Variants in PRKG1 observed in about 807,000 individuals in gnomAD.
PRKG1 encodes the protein cGMP-dependent protein kinase 1.
A neutral mutation model predicts 88.1 loss-of-function variants in PRKG1; 35 were observed. The ratio of observed to expected loss-of-function variants is 0.40; its 90% confidence interval spans 0.30 to 0.53. The LOEUF is 0.53. PRKG1 is among the 20% of genes least tolerant of loss of function. The pLI, the probability that PRKG1 is intolerant of heterozygous loss-of-function variation, is 0.59. For missense variants in PRKG1, 540 were observed against 839.8 expected (o/e 0.64, Z 4.41); for synonymous variants, 303 against 292.5 (o/e 1.04, Z -0.37).
intron 3 of PRKG1, among the ~76,000 whole-genome samples, chr10:51,683,697 C>T (rs1204774191): frequency 6.6e-6 from 1 of 152,136 alleles, no homozygotes; most frequent in Non-Finnish European, 1.5e-5. Context: ...GGAACCTGGA[C>T]CCTGCCATGC....
At chr10:52,117,670 C>T (rs898698707) in intron 7 of PRKG1, among the ~76,000 whole-genome samples, 6 of 151,766 alleles carry the variant, frequency 4.0e-5, no homozygotes, top group South Asian at 2.1e-4. Flanking sequence ...ACATGTAATT[C>T]GAATATATAA....
intron 3 of PRKG1, among the ~76,000 whole-genome samples, chr10:51,759,566 G>A (rs942166492): frequency 3.3e-5 from 5 of 152,138 alleles, no homozygotes; most frequent in African/African-American, 9.7e-5. Context: ...GAGACACCAC[G>A]CCTGGCCTGA....
chr10:51,843,669 A>G (rs1186243962), intron 4 of PRKG1, among the ~76,000 whole-genome samples: 1 of 152,216 alleles, frequency 6.6e-6, no homozygotes, highest in East Asian at 1.9e-4. Context: ...CTGGCTTTCA[A>G]CAGGGAATTC....
chr10:51,848,632 TC>T (rs1840464600), intron 4 of PRKG1, among the ~76,000 whole-genome samples: 1 of 131,646 alleles, frequency 7.6e-6, no homozygotes, highest in African/African-American at 3.6e-5. Context: ...TGTGTCTGTA[TC>T]TGTGTGTGTG....
At chr10:51,196,110 G>A (rs1347860287) in intron 2 of PRKG1, among the ~76,000 whole-genome samples, 1 of 152,156 alleles carries the variant, frequency 6.6e-6, no homozygotes, top group Non-Finnish European at 1.5e-5. Context: ...AGGAGCAGGA[G>A]GGATAGTAGG....
chr10:51,698,081 TGAG>T (rs1376497609), intron 3 of PRKG1: 2 of 1,614,074 alleles, frequency 1.2e-6, no homozygotes, highest in East Asian at 2.2e-5. Flanking sequence ...TCTGGGTCCC[TGAG>T]GAGGGCCACC....
intron 2 of PRKG1, among the ~76,000 whole-genome samples, chr10:51,204,512 C>G (rs1409896499): frequency 6.6e-6 from 1 of 151,960 alleles, no homozygotes; most frequent in Admixed American, 6.6e-5. Context: ...TTTGTCAGGC[C>G]ATTTTTAACA....
At chr10:51,464,664 G>A (rs1443471901) in intron 2 of PRKG1, among the ~76,000 whole-genome samples, 1 of 151,836 alleles carries the variant, frequency 6.6e-6, no homozygotes, top group African/African-American at 2.4e-5. Flanking sequence ...GGCCGAGGCG[G>A]GCGGATCACG....
At chr10:51,280,192 T>C (rs1268551055) in intron 2 of PRKG1, among the ~76,000 whole-genome samples, 3 of 152,238 alleles carry the variant, frequency 2.0e-5, no homozygotes, top group African/African-American at 7.2e-5. Context: ...ATGTTGAATA[T>C]TGGCCCCCAC....
intron 2 of PRKG1, among the ~76,000 whole-genome samples, chr10:51,406,879 T>C (rs1244036564): frequency 1.3e-5 from 2 of 152,294 alleles, no homozygotes; most frequent in East Asian, 3.9e-4. Flanking sequence ...ACTCACACGA[T>C]CAGAAGGTCC....
chr10:51,649,668 A>G (rs890812390), intron 3 of PRKG1, among the ~76,000 whole-genome samples: 16 of 152,250 alleles, frequency 1.1e-4, no homozygotes, highest in Non-Finnish European at 7.3e-5. Context: ...ATGAAGCAAC[A>G]GAAGAACGAA....
At chr10:52,037,214 T>C (rs1292736551) in intron 5 of PRKG1, among the ~76,000 whole-genome samples, 1 of 152,172 alleles carries the variant, frequency 6.6e-6, no homozygotes, top group African/African-American at 2.4e-5. Flanking sequence ...TGGCCAGATT[T>C]CTGGCACATG....
chr10:52,079,008 CT>C (rs2133300358), intron 7 of PRKG1, among the ~76,000 whole-genome samples: 1 of 152,320 alleles, frequency 6.6e-6, no homozygotes, highest in East Asian at 1.9e-4. Flanking sequence ...ATAGCCTCTA[CT>C]GGCATTTTAA....
chr10:51,728,916 C>A (rs1177114278), intron 3 of PRKG1, among the ~76,000 whole-genome samples: 2 of 152,222 alleles, frequency 1.3e-5, no homozygotes, highest in African/African-American at 2.4e-5. Flanking sequence ...CGTATATGAA[C>A]TTTATTCCCC....
At chr10:51,081,517 T>C (rs1418634013) in intron 1 of PRKG1, among the ~76,000 whole-genome samples, 2 of 152,212 alleles carry the variant, frequency 1.3e-5, no homozygotes, top group African/African-American at 4.8e-5. Context: ...GAATGCATTG[T>C]ATTGTCCCTT....
At chr10:52,114,494 T>C (rs1340987019) in intron 7 of PRKG1, among the ~76,000 whole-genome samples, 1 of 151,888 alleles carries the variant, frequency 6.6e-6, no homozygotes. Context: ...AATATGAGAA[T>C]CATTTATGGC....
At chr10:51,468,134 T>C (rs560411508) in intron 3 of PRKG1, among the ~76,000 whole-genome samples, 137 of 152,038 alleles carry the variant, frequency 9.0e-4, no homozygotes, top group African/African-American at 3.1e-3. Context: ...TAAGAGCAAG[T>C]CCTTTTCTCT....
chr10:51,542,491 G>A (rs1206974787), intron 3 of PRKG1, among the ~76,000 whole-genome samples: 1 of 152,118 alleles, frequency 6.6e-6, no homozygotes, highest in African/African-American at 2.4e-5. Context: ...ACCATTACAA[G>A]TAACTGACAA....
At chr10:52,201,849 A>C (rs1839677979) in intron 9 of PRKG1, among the ~76,000 whole-genome samples, 1 of 151,868 alleles carries the variant, frequency 6.6e-6, no homozygotes. Context: ...TTGATTTGGC[A>C]CTCAGCTTGA....
Sources: gnomAD v4.1 joint callset for allele counts (sites outside exome capture counted in the v4.1 genomes callset) on GRCh38, gnomAD v4.1.1 for gene constraint, MANE v1.5 for transcripts, NCBI Gene and HGNC (gene_info 2026-07-23, HGNC 2026-07-21) for gene names.